RPTOR: variants seen among roughly 807,000 people sequenced by gnomAD.
The protein encoded by RPTOR is regulatory associated protein of MTOR complex 1, also known as regulatory-associated protein of mTOR.
In RPTOR, 21 loss-of-function variants were observed where a neutral mutation model predicts 169.9. The ratio of observed to expected loss-of-function variants is 0.12; its 90% CI spans 0.09 to 0.18. RPTOR has a LOEUF of 0.18. Among genes scored for constraint, RPTOR ranks in the 10% least tolerant of loss-of-function variants. The pLI is 1.00. For synonymous variants in RPTOR, 732 were observed against 753.2 expected (o/e 0.97, Z 0.46); for missense variants, 1,133 against 1,855.9 (o/e 0.61, Z 7.16).
intron 4 of RPTOR, among the ~76,000 whole-genome samples, chr17:80,714,647 G>C (rs2066224955): frequency 6.6e-6 from 1 of 152,156 alleles, no homozygotes; most frequent in Non-Finnish European, 1.5e-5. Flanking sequence ...ATAGGATTTA[G>C]GTGTAACAGT....
rs536711524 is a variant in RPTOR at position 80,914,194 on chromosome 17, C to T, written c.2520+5265C>T. ...ACAGCTGGGGAGGTGTGGCCAGGGC[C>T]GTGTGCTCCACAAAGCTGGCAGGAG... On this transcript the variant is annotated intron_variant, in intron 21 of 33. Coordinates refer to ENST00000306801, the MANE Select transcript of RPTOR (RefSeq NM_020761.3). Among the ~76,000 whole-genome samples the T allele has an allele frequency of 5.2e-5, 8 of 152,392 alleles. No homozygotes were observed. In the South Asian group the frequency reaches 1.4e-3, roughly 28 times the overall value.
intron 3 of RPTOR, among the ~76,000 whole-genome samples, chr17:80,698,990 C>T (rs12948054): frequency 0.063 from 9,580 of 152,294 alleles, 389 homozygotes; most frequent in Non-Finnish European, 0.1. Context: ...GCATCTGCCT[C>T]GAGCTTATGT....
intron 1 of RPTOR, among the ~76,000 whole-genome samples, chr17:80,601,571 T>TGGTGGGGGGGAG (rs1245011102): frequency 3.5e-5 from 2 of 56,962 alleles, no homozygotes; most frequent in East Asian, 3.6e-4. Context: ...TTTTTTTTTT[T>TGGTGGGGGGGAG]TAAATTTATT....
At position 80,878,247 on chromosome 17, in the gene RPTOR, G is replaced by A. The variant is rs1422694058; in HGVS notation, c.1510-2168G>A. Among the ~76,000 whole-genome samples the A allele has an allele frequency of 6.6e-6, 1 of 152,188 alleles. No individual in the cohort carries two copies. Among genetic ancestry groups the A allele is most frequent in the Non-Finnish European group, 1.5e-5 (1 of 68,042 alleles). On this transcript the variant is annotated intron_variant, in intron 13 of 33. Coordinates refer to ENST00000306801, the MANE Select transcript of RPTOR (RefSeq NM_020761.3). This position sits in a 1 kb window ranked among gnomAD's most constrained non-coding sequence, Gnocchi z 4.1. ...GATCCTAGAAACCCATGCTCTGTGG[G>A]TCCCTCTCCAAGAAACACAGCATCC...
At chr17:80,611,847 GAC>G (rs1454941875) in intron 1 of RPTOR, among the ~76,000 whole-genome samples, 1 of 150,788 alleles carries the variant, frequency 6.6e-6, no homozygotes, top group Non-Finnish European at 1.5e-5. Context: ...CCCTGTAAAT[GAC>G]ACAGACTTCT....
chr17:80,751,153 G>A (rs545480315), intron 5 of RPTOR, among the ~76,000 whole-genome samples: 6 of 152,278 alleles, frequency 3.9e-5, no homozygotes, highest in African/African-American at 7.2e-5. Flanking sequence ...ACCGTGGTGC[G>A]AGGTGGCTGT....
At chr17:80,739,403 C>T (rs936472731) in intron 5 of RPTOR, among the ~76,000 whole-genome samples, 1 of 151,170 alleles carries the variant, frequency 6.6e-6, no homozygotes, top group African/African-American at 2.4e-5. Flanking sequence ...AGGAAACAGG[C>T]ATAGAGATCA....
intron 13 of RPTOR, among the ~76,000 whole-genome samples, chr17:80,876,923 TC>T (rs1191365608): frequency 8.3e-6 from 1 of 119,818 alleles, no homozygotes; most frequent in Non-Finnish European, 1.7e-5. Flanking sequence ...GCCTGCCGGG[TC>T]TTCCCACCGA....
At position 80,844,520 on chromosome 17, in the gene RPTOR, T is replaced by A. The variant is rs1022886337; in HGVS notation, c.1213-1953T>A. 1.3e-5 allele frequency among the ~76,000 whole-genome samples: 2 copies of A among 152,210 alleles called. No individual in the cohort carries two copies. Among genetic ancestry groups the A allele is most frequent in the African/African-American group, 4.8e-5 (2 of 41,454 alleles). On this transcript the variant is annotated intron_variant, in intron 10 of 33. Coordinates refer to ENST00000306801, the MANE Select transcript of RPTOR (RefSeq NM_020761.3). This position sits in a 1 kb window ranked among gnomAD's most constrained non-coding sequence, Gnocchi z 4.7. The stretch of plus-strand genomic sequence containing the variant: ...GGGGGTACTTAACGAGATTTTTTTT[T>A]AACCAATTTATGAATAATTCACACT...
At chr17:80,924,470 T>C (rs1343689843) in intron 23 of RPTOR, among the ~76,000 whole-genome samples, 5 of 151,916 alleles carry the variant, frequency 3.3e-5, no homozygotes, top group Non-Finnish European at 7.4e-5. Flanking sequence ...AACGGCCATG[T>C]TGGGGTAGAA....
intron 1 of RPTOR, among the ~76,000 whole-genome samples, chr17:80,603,242 A>C (rs2065203672): frequency 6.6e-6 from 1 of 152,244 alleles, no homozygotes; most frequent in Non-Finnish European, 1.5e-5. Context: ...TCTTGTTGTC[A>C]AACCAAGAGA....
rs146597769 is a variant in RPTOR, at chr17:80,640,978, C to CGTTT, written c.266-2749_266-2746dup. On this transcript the variant is annotated intron_variant, in intron 2 of 33. Coordinates refer to ENST00000306801, the MANE Select transcript of RPTOR (RefSeq NM_020761.3). The stretch of plus-strand genomic sequence containing the variant: ...TCAACGCCTTCCAGCCAGCCCTGTG[C>CGTTT]GTTTACTTTGCTCCTCCTCATGCAT... 1.0e-3 allele frequency among the ~76,000 whole-genome samples: 152 copies of CGTTT among 152,356 alleles called. 3 individuals are homozygous for CGTTT. The East Asian group carries it at 0.025, about 25-fold the overall frequency.
intron 1 of RPTOR, among the ~76,000 whole-genome samples, chr17:80,567,816 A>AAATT (rs1198999651): frequency 1.3e-5 from 2 of 149,928 alleles, no homozygotes; most frequent in African/African-American, 5.0e-5. Context: ...ATAAATAAAT[A>AAATT]AATAAATAAA....
chr17:80,861,217 T>TA lies in RPTOR; in HGVS notation c.1509+3321dup, dbSNP rs2067913786. ...TTCCCTTGGCCATGATTTGCCTCTG[T>TA]AAAATCATGAGCCTTCGGCCGTCTG... On this transcript the variant is annotated intron_variant, in intron 13 of 33. Transcript: ENST00000306801. This position sits in a 1 kb window ranked among gnomAD's most constrained non-coding sequence, Gnocchi z 4.5. Among the ~76,000 whole-genome samples the TA allele has an allele frequency of 6.9e-6, 1 of 144,690 alleles. No homozygotes were observed. The highest frequency in any genetic ancestry group is 2.4e-5 in the African/African-American group (1 of 40,916). The allele number at this position is 144,690 out of a possible 152,430, so 94.9% of individuals were successfully genotyped here. A position where few individuals can be genotyped will look rare whatever the true frequency, so the allele number is the denominator to read the frequency against.
intron 2 of RPTOR, among the ~76,000 whole-genome samples, chr17:80,641,845 G>A (rs1348691219): frequency 6.6e-6 from 1 of 152,170 alleles, no homozygotes; most frequent in African/African-American, 2.4e-5. Flanking sequence ...GGTGACTATG[G>A]GAATTTCTTA....
At chr17:80,909,006 G>A (rs1468029) in intron 21 of RPTOR, 77 bp downstream of exon 21, 312,769 of 976,324 alleles carry the variant, frequency 0.32, 51,819 homozygotes, top group East Asian at 0.48. Context: ...AACTCCAGGT[G>A]TGCCCGGGTC....
intron 6 of RPTOR, among the ~76,000 whole-genome samples, chr17:80,790,269 A>G (rs2067033659): frequency 6.6e-6 from 1 of 152,202 alleles, no homozygotes; most frequent in Non-Finnish European, 1.5e-5. Context: ...CAGCTCTTTG[A>G]ACGATAAAAC....
chr17:80,788,202 G>T (rs1481904779), intron 6 of RPTOR, among the ~76,000 whole-genome samples: 1 of 152,196 alleles, frequency 6.6e-6, no homozygotes, highest in Non-Finnish European at 1.5e-5. Flanking sequence ...GCTGGGGGTG[G>T]TGGCTTACAC....
intron 25 of RPTOR, 98 bp from the exon 26 acceptor site, chr17:80,945,569 G>A: frequency 1.4e-6 from 1 of 693,766 alleles, no homozygotes; most frequent in Non-Finnish European, 2.3e-6. Flanking sequence ...TCCAGCCTGG[G>A]CGACAGAGCG....
Sources: gnomAD v4.1 joint callset for allele counts (sites outside exome capture counted in the v4.1 genomes callset) on GRCh38, gnomAD v4.1.1 for gene constraint, Gnocchi (gnomAD v3.1) non-coding constraint, MANE v1.5 for transcripts, NCBI Gene and HGNC (gene_info 2026-07-23, HGNC 2026-07-21) for gene names.